PLB1: variants seen among roughly 807,000 people sequenced by gnomAD.
The protein encoded by PLB1 is phospholipase B1.
In PLB1, 242 loss-of-function variants were observed where a neutral mutation model predicts 227.4. That is an observed-to-expected ratio of 1.06 (90% confidence interval 0.96 to 1.18). The LOEUF (loss-of-function observed/expected upper bound fraction) is 1.18. Ranked by LOEUF, PLB1 falls within the 50% of genes most tolerant of loss-of-function variation. The probability of loss-of-function intolerance (pLI) is 0.00; values close to 1 mark genes in which losing one functional copy is unlikely to be tolerated. For missense variants in PLB1, 1,858 were observed against 1,816.3 expected, an observed-to-expected ratio of 1.02 and a Z score of -0.42; for synonymous variants, 757 against 682.2, an observed-to-expected ratio of 1.11 and a Z score of -1.71.
intron 14 of PLB1, 24 bp downstream of exon 14, chr2:28,543,292 G>A (rs759271922): frequency 1.2e-6 from 2 of 1,606,830 alleles, no homozygotes; most frequent in South Asian, 2.2e-5. Context: ...GCCTGGGGTG[G>A]GGCCCACAGA....
At chr2:28,517,486 C>T (rs561520249) in intron 2 of PLB1, among the ~76,000 whole-genome samples, 2 of 152,286 alleles carry the variant, frequency 1.3e-5, no homozygotes, top group Admixed American at 1.3e-4. Context: ...GTACTGGTCA[C>T]CAATTCCTTC....
chr2:28,606,076 C>G, intron 42 of PLB1, 128 bp downstream of exon 42: 2 of 752,256 alleles, frequency 2.7e-6, no homozygotes, highest in South Asian at 1.7e-5. Flanking sequence ...AACGTCTATG[C>G]AGTTGGAAAT....
At position 28,590,011 on chromosome 2, in the gene PLB1, C is replaced by G. The variant is rs751363350; in HGVS notation, c.2023C>G (p.Pro675Ala). 9.3e-6 allele frequency: 15 copies of G among 1,613,280 alleles called. No individual in the cohort carries two copies. In the East Asian group the frequency reaches 2.0e-4, roughly 22 times the overall value. Reference sequence around the variant, plus strand: ...TCCCTGCTTCTTTGTTTAGCTGGAGCCTGTTGGCCAGAAGACGACTCGTCA... The same window carrying G: ...TCCCTGCTTCTTTGTTTAGCTGGAGGCTGTTGGCCAGAAGACGACTCGTCA... Reference protein sequence around the residue: ...ASALWNNMLEPVGQKTTRHKF... With the variant: ...ASALWNNMLEAVGQKTTRHKF... Residue 675 changes from proline to alanine, a missense_variant, in exon 29 of 58, where the codon CCT becomes GCT. Coordinates refer to ENST00000327757, the MANE Select transcript of PLB1 (RefSeq NM_153021.5).
intron 14 of PLB1, chr2:28,548,644 G>A: frequency 3.2e-6 from 2 of 630,648 alleles, no homozygotes; most frequent in South Asian, 3.2e-5. Flanking sequence ...AAACTCGGGT[G>A]TGCATCAGAA....
chr2:28,641,050 G>A (rs1243256284), intron 57 of PLB1, 49 bp downstream of exon 57: 5 of 1,565,622 alleles, frequency 3.2e-6, no homozygotes, highest in East Asian at 2.3e-5. Flanking sequence ...CCTGGGGTGG[G>A]GGTTGTCCTG....
chr2:28,560,777 G>A (rs749294249), intron 17 of PLB1, among the ~76,000 whole-genome samples: 1 of 152,212 alleles, frequency 6.6e-6, no homozygotes, highest in Non-Finnish European at 1.5e-5. Context: ...ATCCAGAATA[G>A]ATAAATCTAT....
intron 49 of PLB1, 75 bp downstream of exon 49, chr2:28,621,053 G>C (rs564474142): frequency 2.3e-6 from 3 of 1,313,652 alleles, no homozygotes; most frequent in Non-Finnish European, 3.2e-6. Context: ...GAGGAGAGGA[G>C]GGTGGTGTCC....
At chr2:28,627,393 A>G (rs1235902754) in intron 51 of PLB1, among the ~76,000 whole-genome samples, 1 of 152,182 alleles carries the variant, frequency 6.6e-6, no homozygotes, top group Non-Finnish European at 1.5e-5. Context: ...GCGTAGGGAA[A>G]TGCCCTCTAC....
chr2:28,545,884 A>G (rs1020311218), intron 14 of PLB1, among the ~76,000 whole-genome samples: 1 of 152,092 alleles, frequency 6.6e-6, no homozygotes, highest in African/African-American at 2.4e-5. Flanking sequence ...GATCACAGGG[A>G]GTCCAGGTCC....
intron 54 of PLB1, among the ~76,000 whole-genome samples, chr2:28,631,762 G>C (rs1409235023): frequency 6.6e-6 from 1 of 152,204 alleles, no homozygotes; most frequent in East Asian, 1.9e-4. Flanking sequence ...AATGGGACTG[G>C]GTGGAGCTGT....
intron 34 of PLB1, 128 bp downstream of exon 34, chr2:28,598,176 CAGG>C (rs1045478565): frequency 6.4e-6 from 5 of 776,174 alleles, no homozygotes; most frequent in African/African-American, 3.5e-5. Context: ...AAGTAGGAGA[CAGG>C]AGGCTATGAA....
chr2:28,619,298 T>C (rs1460525501), intron 46 of PLB1, among the ~76,000 whole-genome samples: 1 of 152,102 alleles, frequency 6.6e-6, no homozygotes, highest in Non-Finnish European at 1.5e-5. Flanking sequence ...CAGCCCCACA[T>C]GTGTGTGAAT....
At chr2:28,583,838 T>C (rs1003336754) in intron 25 of PLB1, among the ~76,000 whole-genome samples, 1 of 146,812 alleles carries the variant, frequency 6.8e-6, no homozygotes, top group Non-Finnish European at 1.5e-5. Flanking sequence ...CATAGGGTAA[T>C]GCAAATATTC....
chr2:28,553,010 G>A lies in PLB1; in HGVS notation c.1147+19G>A, dbSNP rs1330133601. On this transcript the variant is annotated intron_variant, in intron 17 of 57. Coordinates refer to ENST00000327757, the MANE Select transcript of PLB1 (RefSeq NM_153021.5). Reference sequence around the variant, plus strand: ...ACCTCAGGTACACAGCTTGCACCCAGTGATTTTAAAATTCATTCGAGGCCT... The same window carrying A: ...ACCTCAGGTACACAGCTTGCACCCAATGATTTTAAAATTCATTCGAGGCCT... 2 of 1,608,170 alleles carry A rather than the reference G, an allele frequency of 1.2e-6. No homozygotes were observed. Among genetic ancestry groups the A allele is most frequent in the East Asian group, 2.2e-5 (1 of 44,848 alleles).
rs57053770 is a variant in PLB1 at position 28,538,449 on chromosome 2, G to A, written c.618+68G>A. The A allele has an allele frequency of 4.0e-3, 5,903 of 1,462,258 alleles. 192 individuals are homozygous for A. The African/African-American group carries it at 0.072, about 18-fold the overall frequency. 90.6% of individuals were successfully genotyped at this position (1,462,258 alleles called of 1,614,324 possible). On this transcript the variant is annotated intron_variant, in intron 10 of 57. Transcript: ENST00000327757. The stretch of plus-strand genomic sequence containing the variant: ...CATTTACCCTCATGTGGCCTCCACC[G>A]GGGTGGGGAAATGGACCCCTGTGAG...
At chr2:28,527,510 A>G (rs985420108) in intron 6 of PLB1, among the ~76,000 whole-genome samples, 1 of 152,222 alleles carries the variant, frequency 6.6e-6, no homozygotes, top group Non-Finnish European at 1.5e-5. Context: ...CTGACCATCA[A>G]TCTCAGAACT....
At chr2:28,561,149 A>G (rs955672973) in intron 17 of PLB1, among the ~76,000 whole-genome samples, 3 of 152,156 alleles carry the variant, frequency 2.0e-5, no homozygotes, top group African/African-American at 7.2e-5. Flanking sequence ...TCGGTCTTAC[A>G]CTATAATAAC....
At chr2:28,544,275 T>C (rs1672908653) in intron 14 of PLB1, among the ~76,000 whole-genome samples, 1 of 152,218 alleles carries the variant, frequency 6.6e-6, no homozygotes, top group Non-Finnish European at 1.5e-5. Context: ...GCGGGGACTA[T>C]GTCCCCAGAA....
At chr2:28,600,242 G>C (rs1251547401) in intron 35 of PLB1, among the ~76,000 whole-genome samples, 1 of 152,156 alleles carries the variant, frequency 6.6e-6, no homozygotes, top group African/African-American at 2.4e-5. Context: ...AGCATGTGTA[G>C]AGCACATATG....
Sources: allele counts gnomAD v4.1 joint callset (sites outside exome capture counted in the v4.1 genomes callset), GRCh38; gene constraint gnomAD v4.1.1; transcripts MANE v1.5; gene names NCBI Gene and HGNC (gene_info 2026-07-23, HGNC 2026-07-21).